The following TCEA1 variants were observed in gnomAD, a reference collection of about 807,000 sequenced individuals.
TCEA1 encodes the protein transcription elongation factor A protein 1.
In TCEA1, 21 loss-of-function variants were observed where a neutral mutation model predicts 43.8. The observed-to-expected ratio is 0.48, with a 90% CI of 0.34 to 0.69. TCEA1 has a LOEUF of 0.69. Among genes scored for constraint, TCEA1 ranks in the 30% least tolerant of loss-of-function variants. The pLI is 0.01. For missense variants in TCEA1, 250 were observed against 365.1 expected, an observed-to-expected ratio of 0.68 and a Z score of 2.57; for synonymous variants, 104 against 117.5, an observed-to-expected ratio of 0.88 and a Z score of 0.75.
intron 6 of TCEA1, among the ~76,000 whole-genome samples, chr8:53,986,712 G>C (rs569397571): frequency 8.5e-5 from 13 of 152,174 alleles, no homozygotes; most frequent in Non-Finnish European, 7.3e-5. Flanking sequence ...GAAGGAAAAA[G>C]TCTAGCGTGG....
intron 7 of TCEA1, among the ~76,000 whole-genome samples, chr8:53,982,268 C>T (rs1247973251): frequency 2.6e-5 from 4 of 151,860 alleles, no homozygotes; most frequent in Non-Finnish European, 4.4e-5. Context: ...AAGTTGACTC[C>T]AATCATCATG....
At chr8:54,016,590 G>C (rs921962321) in intron 1 of TCEA1, among the ~76,000 whole-genome samples, 6 of 152,200 alleles carry the variant, frequency 3.9e-5, no homozygotes, top group African/African-American at 1.4e-4. Flanking sequence ...TGTAATCCCA[G>C]CACTTTGGGA....
At chr8:53,968,706 G>T (rs1049744997) in intron 9 of TCEA1, among the ~76,000 whole-genome samples, 1 of 151,978 alleles carries the variant, frequency 6.6e-6, no homozygotes, top group Admixed American at 6.6e-5. Context: ...GCCAGGCATG[G>T]TGGTCCCAGG....
At position 53,967,979 on chromosome 8, in the gene TCEA1, A is replaced by G. The variant is rs1363624029; in HGVS notation, c.*125T>C. 5.0e-6 allele frequency: 4 copies of G among 804,882 alleles called. No homozygotes were observed. Among genetic ancestry groups the G allele is most frequent in the Non-Finnish European group, 7.7e-6 (4 of 516,824 alleles). The allele number at this position is 804,882 out of a possible 1,614,324, so 49.9% of individuals were successfully genotyped here. A position where few individuals can be genotyped will look rare whatever the true frequency, so the allele number is the denominator to read the frequency against. ...TTAAGGAAGGGATGTTAGGTCAAAAACAAAGTCTAACCCAAGTTGCTTTAA... is the reference window on the plus strand; with the variant it reads ...TTAAGGAAGGGATGTTAGGTCAAAAGCAAAGTCTAACCCAAGTTGCTTTAA... On this transcript the variant is annotated 3_prime_UTR_variant, in exon 10 of 10. Coordinates refer to ENST00000521604, the MANE Select transcript of TCEA1 (RefSeq NM_006756.4).
chr8:53,967,217 T>C lies in TCEA1; in HGVS notation c.*887A>G, dbSNP rs1405981923. On this transcript the variant is annotated 3_prime_UTR_variant, in exon 10 of 10. Transcript: ENST00000521604. ...CAGTATAGATTTCCGAATCAAAATC[T>C]AGTCATGAACTGTTTACAATAGCTA... 1.5e-5 allele frequency: 3 copies of C among 203,038 alleles called. No individual in the cohort carries two copies. Among genetic ancestry groups the C allele is most frequent in the African/African-American group, 6.9e-5 (3 of 43,712 alleles). The allele number at this position is 203,038 out of a possible 1,614,324, so 12.6% of individuals were successfully genotyped here.
intron 8 of TCEA1, chr8:53,972,624 T>TG (rs1221618414): frequency 1.2e-5 from 7 of 599,060 alleles, no homozygotes; most frequent in Non-Finnish European, 1.9e-5. Context: ...TTCTTCAGAG[T>TG]TTGGAAAGGA....
chr8:53,988,087 C>T, intron 5 of TCEA1, 27 bp downstream of exon 5: 1 of 1,604,614 alleles, frequency 6.2e-7, no homozygotes. Flanking sequence ...GACCAAAGGA[C>T]TGAGAAATAA....
At chr8:54,000,346 C>A (rs532267729) in intron 2 of TCEA1, among the ~76,000 whole-genome samples, 3 of 152,004 alleles carry the variant, frequency 2.0e-5, no homozygotes, top group Non-Finnish European at 4.4e-5. Context: ...TGAAGATAAA[C>A]GAGGATAAAA....
intron 7 of TCEA1, among the ~76,000 whole-genome samples, chr8:53,983,644 G>C (rs1803588842): frequency 6.8e-6 from 1 of 147,590 alleles, no homozygotes. Context: ...TCCCAGCCCA[G>C]GCAACAAGGG....
At chr8:54,004,886 A>AT (rs1223513964) in intron 2 of TCEA1, among the ~76,000 whole-genome samples, 1 of 152,218 alleles carries the variant, frequency 6.6e-6, no homozygotes, top group Non-Finnish European at 1.5e-5. Flanking sequence ...ATGTGGAATA[A>AT]TATCTAGCAC....
At chr8:53,999,723 G>A (rs1276052104) in intron 3 of TCEA1, 25 of 462,068 alleles carry the variant, frequency 5.4e-5, no homozygotes, top group Non-Finnish European at 7.7e-6. Flanking sequence ...AGTTTATCCA[G>A]TTGTGTCAAA....
chr8:53,984,850 C>T (rs1803638362), intron 6 of TCEA1, among the ~76,000 whole-genome samples: 1 of 151,972 alleles, frequency 6.6e-6, no homozygotes, highest in South Asian at 2.1e-4. Flanking sequence ...TCACTACACT[C>T]CAGCCTGGGC....
chr8:53,984,333 T>C (rs1223191696), intron 7 of TCEA1, 30 bp downstream of exon 7: 1 of 1,563,722 alleles, frequency 6.4e-7, no homozygotes, highest in Admixed American at 2.0e-5. Flanking sequence ...AGAATCACAT[T>C]ATAGAAACCT....
intron 1 of TCEA1, among the ~76,000 whole-genome samples, chr8:54,012,676 ATC>A (rs1403255978): frequency 1.3e-5 from 2 of 152,262 alleles, no homozygotes; most frequent in Non-Finnish European, 1.5e-5. Context: ...TCTTTATCAA[ATC>A]TGAAAAATCT....
At chr8:53,969,832 C>A (rs1803104097) in intron 9 of TCEA1, among the ~76,000 whole-genome samples, 1 of 152,190 alleles carries the variant, frequency 6.6e-6, no homozygotes, top group African/African-American at 2.4e-5. Flanking sequence ...AAATTTTATG[C>A]TTTTGTTTCA....
At chr8:53,977,883 G>A (rs1425732649) in intron 8 of TCEA1, among the ~76,000 whole-genome samples, 1 of 152,166 alleles carries the variant, frequency 6.6e-6, no homozygotes, top group South Asian at 2.1e-4. Flanking sequence ...CCATGTGGAG[G>A]AGCGTGAAGA....
intron 1 of TCEA1, among the ~76,000 whole-genome samples, chr8:54,015,350 A>G (rs1046358641): frequency 1.3e-5 from 2 of 151,934 alleles, no homozygotes; most frequent in African/African-American, 4.8e-5. Context: ...TTGTATTTTC[A>G]GTAGAGATGG....
At chr8:53,975,161 A>G (rs1256906011) in intron 8 of TCEA1, among the ~76,000 whole-genome samples, 1 of 152,178 alleles carries the variant, frequency 6.6e-6, no homozygotes, top group African/African-American at 2.4e-5. Flanking sequence ...AAAGAGAGGG[A>G]AATGCTTACA....
chr8:53,972,667 T>G (rs985590935), intron 8 of TCEA1: 2 of 624,708 alleles, frequency 3.2e-6, no homozygotes, highest in African/African-American at 3.6e-5. Flanking sequence ...TGAGGATCAG[T>G]AGAGCTATTA....
Sources: gnomAD v4.1 joint callset for allele counts (sites outside exome capture counted in the v4.1 genomes callset) on GRCh38, gnomAD v4.1.1 for gene constraint, MANE v1.5 for transcripts, NCBI Gene and HGNC (gene_info 2026-07-23, HGNC 2026-07-21) for gene names.